The following STARD13 variants were observed in gnomAD, a reference collection of about 807,000 sequenced individuals.
STARD13 encodes StAR related lipid transfer domain containing 13, also known as stAR-related lipid transfer protein 13.
Under a neutral mutation model 106.4 loss-of-function variants are expected in STARD13, and 62 were observed. That is an observed-to-expected ratio of 0.58 (90% CI 0.48 to 0.72). The LOEUF (loss-of-function observed/expected upper bound fraction) is 0.72, where lower values mean the gene tolerates loss of function less well. Ranked by LOEUF, STARD13 falls within the 30% of genes least tolerant of loss-of-function variation. STARD13 has a pLI of 0.00. For synonymous variants in STARD13, 565 were observed against 553.0 expected (o/e 1.02, Z -0.31); for missense variants, 1,387 against 1,424.0 (o/e 0.97, Z 0.42).
the STARD13 span, among the ~76,000 whole-genome samples, chr13:33,488,264 G>C: frequency 2.0e-5 from 3 of 152,058 alleles, no homozygotes; most frequent in Non-Finnish European, 2.9e-5. Context: ...GCATCCAGAG[G>C]GCCACCTTAG....
intron 1 of STARD13, among the ~76,000 whole-genome samples, chr13:33,319,165 C>A (rs140529698): frequency 2.4e-3 from 373 of 152,248 alleles, no homozygotes; most frequent in African/African-American, 8.8e-3. Context: ...TACTGATAAA[C>A]AGATAAACAA....
the STARD13 span, among the ~76,000 whole-genome samples, chr13:33,557,341 A>G: frequency 6.6e-6 from 1 of 152,190 alleles, no homozygotes; most frequent in Non-Finnish European, 1.5e-5. Context: ...GATTTCCAAG[A>G]AAGTATTATT....
chr13:33,217,102 C>G (rs187953030), intron 1 of STARD13, among the ~76,000 whole-genome samples: 1 of 152,266 alleles, frequency 6.6e-6, no homozygotes, highest in Admixed American at 6.5e-5. Context: ...CCCCAATAAA[C>G]CCTATGTCTC....
At chr13:33,177,382 A>C (rs568549076) in intron 1 of STARD13, among the ~76,000 whole-genome samples, 1 of 152,214 alleles carries the variant, frequency 6.6e-6, no homozygotes, top group African/African-American at 2.4e-5. Context: ...AGAAGGAAAA[A>C]ACACAAACCA....
At chr13:33,387,177 T>A in the STARD13 span, among the ~76,000 whole-genome samples, 49 of 152,170 alleles carry the variant, frequency 3.2e-4, 1 homozygote, top group Admixed American at 2.6e-3. Flanking sequence ...AGCTAATTTA[T>A]TTTTAGTTTT....
chr13:33,396,459 G>A, the STARD13 span, among the ~76,000 whole-genome samples: 2 of 152,090 alleles, frequency 1.3e-5, no homozygotes, highest in Admixed American at 1.3e-4. Context: ...TACTGGCTTC[G>A]GTGCAGACAG....
chr13:33,664,138 C>A, the STARD13 span, among the ~76,000 whole-genome samples: 1 of 152,306 alleles, frequency 6.6e-6, no homozygotes, highest in South Asian at 2.1e-4. Context: ...CACTCAGGAT[C>A]TGAGGGGGAA....
At chr13:33,348,238 T>C (rs1217534155), downstream of STARD13, among the ~76,000 whole-genome samples, 2 of 152,246 alleles carry the variant, frequency 1.3e-5, no homozygotes, top group African/African-American at 4.8e-5. Flanking sequence ...AGCACTCTTA[T>C]AGTTCCCATT....
At chr13:33,581,980 G>A in the STARD13 span, among the ~76,000 whole-genome samples, 1,723 of 152,194 alleles carry the variant, frequency 0.011, 27 homozygotes, top group African/African-American at 0.038. Flanking sequence ...CAGTACTTTG[G>A]GAGGCCGAGG....
the STARD13 span, among the ~76,000 whole-genome samples, chr13:33,660,690 C>T: frequency 0.053 from 8,125 of 152,290 alleles, 531 homozygotes; most frequent in Admixed American, 0.19. Flanking sequence ...CTCAAGTCAT[C>T]CTCCCACCTC....
chr13:33,526,999 A>T, the STARD13 span, among the ~76,000 whole-genome samples: 2 of 151,604 alleles, frequency 1.3e-5, no homozygotes, highest in Non-Finnish European at 2.9e-5. Flanking sequence ...AAAAGAAGAG[A>T]ACTGTTTTGT....
rs368110504 is a variant in STARD13, at chr13:33,127,443, G to A, written c.1852C>T (p.Arg618Cys). The change falls in exon 6 of 14, where the codon CGC becomes TGC. Residue 618 changes from arginine (R) to cysteine (C), a missense_variant. Transcript: ENST00000336934. ...GCCGTGAGGCGGAGCAGTGAGAAGCGCTGGAGCAGGCTCAGCTGGCTGGCC... is the reference window on the plus strand; with the variant it reads ...GCCGTGAGGCGGAGCAGTGAGAAGCACTGGAGCAGGCTCAGCTGGCTGGCC... ...QTASQLSLLQ[R>C]FSLLRLTAIM... is the part of the protein sequence containing the mutation. 12 of 1,603,228 alleles carry A rather than the reference G, an allele frequency of 7.5e-6. No homozygotes were observed. The highest frequency in any genetic ancestry group is 2.0e-4 in the Middle Eastern group (1 of 5,040).
At chr13:33,645,725 A>G in the STARD13 span, among the ~76,000 whole-genome samples, 4 of 152,210 alleles carry the variant, frequency 2.6e-5, no homozygotes, top group African/African-American at 9.6e-5. Context: ...TCTTAAAGAT[A>G]GAAGCAAGTG....
rs1414366974 is a variant in STARD13 at position 33,104,644 on chromosome 13, T to C, written c.*949A>G. ...ACTGGTCAAATAGAATGACATTTAATAACATTATGAAATGTATTTATAAAA... is the reference window on the plus strand; with the variant it reads ...ACTGGTCAAATAGAATGACATTTAACAACATTATGAAATGTATTTATAAAA... On this transcript the variant is annotated 3_prime_UTR_variant, in exon 14 of 14. Transcript: ENST00000336934. The C allele has an allele frequency of 6.5e-6, 1 of 152,972 alleles. No individual in the cohort carries two copies. Among genetic ancestry groups the C allele is most frequent in the East Asian group, 1.9e-4 (1 of 5,198 alleles). The allele number at this position is 152,972 out of a possible 1,614,324, so 9.5% of individuals were successfully genotyped here.
intron 1 of STARD13, among the ~76,000 whole-genome samples, chr13:33,219,214 G>A (rs1361865428): frequency 1.3e-5 from 2 of 152,160 alleles, no homozygotes; most frequent in South Asian, 4.1e-4. Context: ...GTAGAGCAGG[G>A]AAAAGTACTG....
the STARD13 span, among the ~76,000 whole-genome samples, chr13:33,507,958 G>T: frequency 6.6e-6 from 1 of 152,140 alleles, no homozygotes; most frequent in Non-Finnish European, 1.5e-5. Flanking sequence ...GGTGGCAGAG[G>T]TGGAGGAAAA....
chr13:33,169,314 A>G (rs1167981306), intron 1 of STARD13, among the ~76,000 whole-genome samples: 3 of 152,210 alleles, frequency 2.0e-5, no homozygotes, highest in Admixed American at 1.3e-4. Context: ...CAAAAGTTCT[A>G]TTTAGTACCC....
At chr13:33,655,239 C>A in the STARD13 span, among the ~76,000 whole-genome samples, 2 of 152,164 alleles carry the variant, frequency 1.3e-5, no homozygotes, top group Non-Finnish European at 2.9e-5. Context: ...ATAAACTTTT[C>A]TTTTGAATTG....
chr13:33,340,734 G>A (rs1381980977), intron 1 of STARD13, among the ~76,000 whole-genome samples: 2 of 152,216 alleles, frequency 1.3e-5, no homozygotes, highest in South Asian at 2.1e-4. Flanking sequence ...TACTGCCTGA[G>A]AGTGTAAGAT....
Sources: allele counts gnomAD v4.1 joint callset (sites outside exome capture counted in the v4.1 genomes callset), GRCh38; gene constraint gnomAD v4.1.1; transcripts MANE v1.5; gene names NCBI Gene and HGNC (gene_info 2026-07-23, HGNC 2026-07-21).